Variants in TLR6 observed in about 807,000 individuals in gnomAD.
TLR6 encodes toll-like receptor 6.
Under a neutral mutation model 16.1 loss-of-function variants are expected in TLR6, and 9 were observed. The ratio of observed to expected loss-of-function variants is 0.56; its 90% CI spans 0.34 to 0.98. The LOEUF is 0.98. Ranked by LOEUF, TLR6 falls within the 50% of genes least tolerant of loss-of-function variation. The pLI is 0.02. For missense variants in TLR6, 786 were observed against 921.0 expected (o/e 0.85, Z 1.90); for synonymous variants, 340 against 338.6 (o/e 1.00, Z -0.04).
upstream of TLR6, among the ~76,000 whole-genome samples, chr4:38,861,089 GGT>G (rs1713184473): frequency 6.6e-6 from 1 of 151,922 alleles, no homozygotes; most frequent in Non-Finnish European, 1.5e-5. Context: ...AGGTGGTGCA[GGT>G]GTTCTTGACT....
upstream of TLR6, among the ~76,000 whole-genome samples, chr4:38,858,792 GGAGA>G (rs56086259): frequency 0.044 from 792 of 18,028 alleles, 64 homozygotes; most frequent in Middle Eastern, 0.1. Context: ...AGAGAGAGAG[GGAGA>G]GAGAGAGAGA....
At position 38,827,603 on chromosome 4, in the gene TLR6, G is replaced by A. The variant is rs1473148827; in HGVS notation, c.1871C>T (p.Thr624Ile). 6.2e-6 allele frequency: 10 copies of A among 1,614,074 alleles called. No individual in the cohort carries two copies. The African/African-American group carries it at 9.3e-5, about 15-fold the overall frequency. ...GGGTATGTTCCTGGCCCTGCGCCGA[G>A]TCTGGGTCCACTGGCACACCATCCT... The change falls in exon 2 of 2, where the codon ACT becomes ATT. Residue 624 changes from threonine (T) to isoleucine (I), a missense_variant. Physicochemically the swap from Thr to Ile is moderately conservative, Grantham distance 89. Transcript: ENST00000436693.
At position 38,829,352 on chromosome 4, in the gene TLR6, C is replaced by CT. The variant is rs1344800743; in HGVS notation, c.121dup (p.Arg41LysfsTer26). ...GTCTTTTGGAACATGAATAAGACCT[C>CT]TTTTTGACTTGTCTACTGCAAATTC... is the stretch of plus-strand genomic sequence containing the variant. On this transcript the variant is annotated frameshift_variant, in exon 2 of 2. Coordinates refer to ENST00000436693, the Ensembl canonical transcript of TLR6. LOFTEE classifies it low-confidence loss of function (END_TRUNC). The CT allele has an allele frequency of 6.2e-7, 1 of 1,614,088 alleles. No individual in the cohort carries two copies. Among genetic ancestry groups the CT allele is most frequent in the Admixed American group, 1.7e-5 (1 of 60,032 alleles).
chr4:38,851,180 G>T (rs1712757446), intron 1 of TLR6, among the ~76,000 whole-genome samples: 1 of 151,880 alleles, frequency 6.6e-6, no homozygotes, highest in South Asian at 2.1e-4. Context: ...AAATTCAACA[G>T]CTCTTCATGC....
chr4:38,854,161 A>G (rs1322424896), intron 1 of TLR6, among the ~76,000 whole-genome samples: 1 of 152,214 alleles, frequency 6.6e-6, no homozygotes, highest in Non-Finnish European at 1.5e-5. Flanking sequence ...AATATGAATA[A>G]TGTGCAATCT....
chr4:38,829,219 A>C, exon 2 of TLR6: 5 of 1,614,206 alleles, frequency 3.1e-6, no homozygotes, highest in Non-Finnish European at 4.2e-6. Flanking sequence ...GGATTCTGTT[A>C]TGGGAAAGTC....
At chr4:38,867,294 A>G in the TLR6 span, among the ~76,000 whole-genome samples, 1 of 152,204 alleles carries the variant, frequency 6.6e-6, no homozygotes, top group Non-Finnish European at 1.5e-5. Context: ...ACAAATGTGG[A>G]ATTCCTAGGC....
chr4:38,826,363 C>T (rs1727544654), exon 2 of TLR6: 1 of 152,206 alleles, frequency 6.6e-6, no homozygotes, highest in South Asian at 2.1e-4. Flanking sequence ...CTTTCGTCAG[C>T]TTTGAGCCTT....
chr4:38,858,873 A>AAG (rs1258369903), upstream of TLR6, among the ~76,000 whole-genome samples: 2 of 135,018 alleles, frequency 1.5e-5, no homozygotes, highest in East Asian at 2.2e-4. Context: ...GAAAGAAAGA[A>AAG]AGAAAGAAAG....
exon 2 of TLR6, chr4:38,828,416 C>G (rs748418591): frequency 6.2e-7 from 1 of 1,613,706 alleles, no homozygotes; most frequent in Admixed American, 1.7e-5. Context: ...CTTGAATGTG[C>G]TTGGTGCATG....
chr4:38,860,942 G>GA (rs1270122043), upstream of TLR6, among the ~76,000 whole-genome samples: 1 of 152,142 alleles, frequency 6.6e-6, no homozygotes, highest in African/African-American at 2.4e-5. Context: ...GTTTTATTTT[G>GA]AAAGCTCTTC....
chr4:38,834,160 C>T (rs1024806689), intron 1 of TLR6, among the ~76,000 whole-genome samples: 1 of 151,246 alleles, frequency 6.6e-6, no homozygotes, highest in Non-Finnish European at 1.5e-5. Context: ...ATTGCTTGAA[C>T]CCAGGAGGCA....
chr4:38,860,537 A>T (rs1346849783), upstream of TLR6, among the ~76,000 whole-genome samples: 204 of 148,170 alleles, frequency 1.4e-3, 2 homozygotes, highest in African/African-American at 4.2e-3. Flanking sequence ...TGCTGAATTA[A>T]AAAAAAAAAA....
exon 2 of TLR6, chr4:38,826,630 A>AGG (rs1478192640): frequency 6.4e-6 from 1 of 155,268 alleles, no homozygotes; most frequent in Non-Finnish European, 1.4e-5. Flanking sequence ...TATATGCCGT[A>AGG]GCTGATCTAA....
intron 1 of TLR6, among the ~76,000 whole-genome samples, chr4:38,838,217 C>A (rs1410570725): frequency 6.6e-6 from 1 of 152,196 alleles, no homozygotes; most frequent in Non-Finnish European, 1.5e-5. Context: ...ATAGAACTAA[C>A]ATACAATCCA....
chr4:38,862,871 G>A, the TLR6 span, among the ~76,000 whole-genome samples: 11 of 145,628 alleles, frequency 7.6e-5, no homozygotes, highest in East Asian at 1.3e-3. Flanking sequence ...CTAGGATTAC[G>A]GGCATGAACC....
chr4:38,848,012 G>C (rs558109280), intron 1 of TLR6, among the ~76,000 whole-genome samples: 1 of 152,338 alleles, frequency 6.6e-6, no homozygotes, highest in South Asian at 2.1e-4. Context: ...CCCCCATGTA[G>C]CCTAACTGGG....
chr4:38,827,028 A>G lies in TLR6; in HGVS notation c.*55T>C, dbSNP rs5743823. ...CCAGACAGTTACTTACGACTGTACT[A>G]TTCACCATCATCCAAGTAAATAATG... On this transcript the variant is annotated 3_prime_UTR_variant, in exon 2 of 2. Coordinates refer to ENST00000436693, the Ensembl canonical transcript of TLR6. The G allele has an allele frequency of 6.5e-3, 8,846 of 1,356,248 alleles. 79 individuals carry two copies. Among genetic ancestry groups the G allele is most frequent in the South Asian group, 0.035 (2,334 of 67,538 alleles). The allele number at this position is 1,356,248 out of a possible 1,614,324, so 84.0% of individuals were successfully genotyped here.
At chr4:38,861,227 C>A (rs932223096), upstream of TLR6, among the ~76,000 whole-genome samples, 1 of 152,096 alleles carries the variant, frequency 6.6e-6, no homozygotes, top group African/African-American at 2.4e-5. Context: ...CGATACCACC[C>A]CTTTCATAAT....
Sources: gnomAD v4.1 joint callset for allele counts (sites outside exome capture counted in the v4.1 genomes callset) on GRCh38, gnomAD v4.1.1 for gene constraint, MANE v1.5 for transcripts, NCBI Gene and HGNC (gene_info 2026-07-23, HGNC 2026-07-21) for gene names.